The following CLVS1 variants were observed in gnomAD, a reference collection of about 807,000 sequenced individuals.
The protein encoded by CLVS1 is clavesin-1.
CLVS1 carries 10 observed loss-of-function variants against 33.1 expected under a neutral mutation model. The observed-to-expected ratio is 0.30, with a 90% CI of 0.19 to 0.51. The LOEUF is 0.51. CLVS1 is among the 20% of genes least tolerant of loss of function. The probability of loss-of-function intolerance (pLI) is 0.97; values close to 1 mark genes in which losing one functional copy is unlikely to be tolerated. For missense variants in CLVS1, 343 were observed against 433.4 expected (o/e 0.79, Z 1.85); for synonymous variants, 163 against 166.1 (o/e 0.98, Z 0.14).
chr8:61,183,105 A>G (rs975660866), intron 2 of CLVS1, among the ~76,000 whole-genome samples: 2 of 146,462 alleles, frequency 1.4e-5, no homozygotes, highest in East Asian at 3.9e-4. Flanking sequence ...ATGAGAACAC[A>G]TGGGCACAGG....
chr8:61,495,938 G>A (rs1784963352), intron 5 of CLVS1, among the ~76,000 whole-genome samples: 1 of 152,210 alleles, frequency 6.6e-6, no homozygotes, highest in African/African-American at 2.4e-5. Flanking sequence ...GGCTGGGCAG[G>A]TGTGGGAGGG....
intron 1 of CLVS1, among the ~76,000 whole-genome samples, chr8:61,070,021 G>A (rs1804763504): frequency 6.6e-6 from 1 of 152,114 alleles, no homozygotes; most frequent in African/African-American, 2.4e-5. Flanking sequence ...TCAAACTCCT[G>A]ACTTCCTGTG....
chr8:61,275,451 G>A (rs1809542140), intron 2 of CLVS1, among the ~76,000 whole-genome samples: 1 of 152,148 alleles, frequency 6.6e-6, no homozygotes, highest in Admixed American at 6.5e-5. Flanking sequence ...TACCCATCTT[G>A]CATCATTTCC....
At chr8:61,205,151 A>T (rs2978525) in intron 2 of CLVS1, among the ~76,000 whole-genome samples, 46,780 of 152,028 alleles carry the variant, frequency 0.31, 7,383 homozygotes, top group Admixed American at 0.35. Flanking sequence ...TATACACAAC[A>T]TAAAATGTAC....
intron 2 of CLVS1, among the ~76,000 whole-genome samples, chr8:61,344,819 T>A (rs912673803): frequency 6.6e-6 from 1 of 152,164 alleles, no homozygotes; most frequent in East Asian, 1.9e-4. Context: ...GGGACTTGCT[T>A]CTTTGGTAAG....
chr8:61,478,636 C>T (rs1321848506), intron 5 of CLVS1, among the ~76,000 whole-genome samples: 12 of 152,250 alleles, frequency 7.9e-5, no homozygotes, highest in Non-Finnish European at 8.8e-5. Context: ...ACTAGGATTG[C>T]AACCCCTGCC....
At chr8:61,192,126 A>AT (rs1345981604) in intron 2 of CLVS1, among the ~76,000 whole-genome samples, 4 of 152,222 alleles carry the variant, frequency 2.6e-5, no homozygotes, top group Non-Finnish European at 5.9e-5. Context: ...ACTTCAAACT[A>AT]TACTACAAGG....
chr8:61,161,244 T>C (rs544853776), intron 2 of CLVS1, among the ~76,000 whole-genome samples: 1 of 152,280 alleles, frequency 6.6e-6, no homozygotes, highest in South Asian at 2.1e-4. Flanking sequence ...TGTACACTTA[T>C]TATGGGAAAC....
At chr8:61,051,495 A>G in the CLVS1 span, among the ~76,000 whole-genome samples, 13 of 152,222 alleles carry the variant, frequency 8.5e-5, no homozygotes, top group Admixed American at 8.5e-4. Flanking sequence ...GATGTGTGTC[A>G]GGCCAGGGGA....
chr8:61,443,207 G>A (rs1313619597), intron 3 of CLVS1, among the ~76,000 whole-genome samples: 1 of 152,274 alleles, frequency 6.6e-6, no homozygotes, highest in Non-Finnish European at 1.5e-5. Context: ...CTTCGCATGA[G>A]CTTTCACAGA....
chr8:61,099,355 A>G (rs1805408202), intron 1 of CLVS1, among the ~76,000 whole-genome samples: 1 of 152,038 alleles, frequency 6.6e-6, no homozygotes, highest in South Asian at 2.1e-4. Context: ...AGCAAATTCA[A>G]TGGGAAGCCA....
At chr8:60,974,386 A>G in the CLVS1 span, among the ~76,000 whole-genome samples, 2 of 152,206 alleles carry the variant, frequency 1.3e-5, no homozygotes, top group Non-Finnish European at 2.9e-5. Context: ...TCTTTGGGGA[A>G]TCACCTACTT....
the CLVS1 span, among the ~76,000 whole-genome samples, chr8:60,971,786 G>C: frequency 1.3e-5 from 2 of 152,152 alleles, no homozygotes; most frequent in African/African-American, 4.8e-5. Flanking sequence ...AGCATTCTGA[G>C]AACTGAATCG....
At chr8:61,314,794 G>C (rs1810956530) in intron 2 of CLVS1, among the ~76,000 whole-genome samples, 2 of 152,198 alleles carry the variant, frequency 1.3e-5, no homozygotes, top group African/African-American at 2.4e-5. Context: ...TCTCCTTTTA[G>C]CTGTTAATTC....
intron 2 of CLVS1, among the ~76,000 whole-genome samples, chr8:61,253,197 T>C (rs1366803351): frequency 6.6e-6 from 1 of 152,206 alleles, no homozygotes; most frequent in Admixed American, 6.5e-5. Flanking sequence ...TTTGGCTGGA[T>C]ATGAAATTTT....
chr8:61,473,322 A>G (rs1159483589), intron 5 of CLVS1, among the ~76,000 whole-genome samples: 1 of 144,156 alleles, frequency 6.9e-6, no homozygotes, highest in Admixed American at 7.4e-5. Context: ...AATTGATGAC[A>G]TCTGAAATTC....
chr8:61,197,812 T>G (rs547933472), intron 2 of CLVS1, among the ~76,000 whole-genome samples: 4 of 152,214 alleles, frequency 2.6e-5, no homozygotes, highest in Admixed American at 6.5e-5. Context: ...AAGCCACAGT[T>G]TCATTCATAC....
chr8:61,287,777 C>G (rs973720269), upstream of CLVS1, among the ~76,000 whole-genome samples: 1 of 152,062 alleles, frequency 6.6e-6, no homozygotes, highest in Non-Finnish European at 1.5e-5. Context: ...TTTCATTAAT[C>G]CGTTTGAAAT....
At chr8:61,275,369 G>A (rs1021140806) in intron 2 of CLVS1, among the ~76,000 whole-genome samples, 3 of 152,036 alleles carry the variant, frequency 2.0e-5, no homozygotes, top group Non-Finnish European at 2.9e-5. Flanking sequence ...AAAACTGTGA[G>A]TTAAGTAATT....
Sources: allele counts gnomAD v4.1 joint callset (sites outside exome capture counted in the v4.1 genomes callset), GRCh38; gene constraint gnomAD v4.1.1; transcripts MANE v1.5; gene names NCBI Gene and HGNC (gene_info 2026-07-23, HGNC 2026-07-21).